IL1R1: variants seen among roughly 807,000 people sequenced by gnomAD.
IL1R1 encodes the protein interleukin 1 receptor type 1.
IL1R1 carries 22 observed loss-of-function variants against 50.2 expected under a neutral mutation model. The ratio of observed to expected loss-of-function variants is 0.44; its 90% CI spans 0.31 to 0.63. The LOEUF (loss-of-function observed/expected upper bound fraction) is 0.63. Ranked by LOEUF, IL1R1 falls within the 20% of genes least tolerant of loss-of-function variation. IL1R1 has a pLI of 0.07. For synonymous variants in IL1R1, 251 were observed against 236.7 expected, an observed-to-expected ratio of 1.06 and a Z score of -0.55; for missense variants, 509 against 676.2, an observed-to-expected ratio of 0.75 and a Z score of 2.74.
intron 1 of IL1R1, among the ~76,000 whole-genome samples, chr2:102,072,796 A>G (rs1230131979): frequency 1.3e-5 from 2 of 152,136 alleles, no homozygotes; most frequent in Non-Finnish European, 2.9e-5. Context: ...TTTCTATGCA[A>G]AAGTTTTCGC....
chr2:102,166,310 T>G, intron 6 of IL1R1, 29 bp downstream of exon 6: 1 of 1,567,780 alleles, frequency 6.4e-7, no homozygotes, highest in Non-Finnish European at 8.7e-7. Flanking sequence ...CCTAAAAGGT[T>G]TAGATCTGGG....
intron 1 of IL1R1, among the ~76,000 whole-genome samples, chr2:102,152,211 A>G (rs1273445986): frequency 1.3e-5 from 2 of 152,050 alleles, no homozygotes; most frequent in Non-Finnish European, 2.9e-5. Context: ...TGAGGCCATT[A>G]GAAGAGTGTG....
chr2:102,168,506 GA>G (rs1685392164), intron 6 of IL1R1, 91 bp from the exon 7 acceptor site: 2 of 980,078 alleles, frequency 2.0e-6, no homozygotes, highest in Admixed American at 3.5e-5. Context: ...TATCTGGCCA[GA>G]AGTCATTTAG....
intron 3 of IL1R1, among the ~76,000 whole-genome samples, chr2:102,159,646 G>A (rs1042218929): frequency 3.3e-5 from 5 of 152,178 alleles, no homozygotes; most frequent in Non-Finnish European, 7.3e-5. Context: ...CTTGGGGATA[G>A]TGCTTTTGCT....
chr2:102,120,254 G>A (rs1171406814), intron 1 of IL1R1, among the ~76,000 whole-genome samples: 1 of 152,076 alleles, frequency 6.6e-6, no homozygotes, highest in South Asian at 2.1e-4. Context: ...CGTGTGTGTG[G>A]GTTTTCATGT....
In IL1R1 at chr2:102,174,714, T is replaced by C. The variant is rs1685968575; in HGVS notation, c.1119T>C (p.Asp373=). ...IVLWYRDSCY[D]FLPIKASDGK... ...TTTGGTACAGGGATTCCTGCTATGA[T>C]TTTCTCCCAATAAAAGGTATAATTT... is the stretch of plus-strand genomic sequence containing the variant. Residue 373 remains aspartate (D), a synonymous_variant, in exon 10 of 12, where the codon GAT becomes GAC. Transcript: ENST00000410023. 3 of 1,607,852 alleles carry C rather than the reference T, an allele frequency of 1.9e-6. No homozygotes were observed. The South Asian group carries it at 3.4e-5, about 18-fold the overall frequency.
In IL1R1 at chr2:102,157,699, T is replaced by C; in HGVS notation, c.-6-20T>C. ...TAACATTTTTGCTTTTGTCTTTCTT[T>C]CGTTCCTCCATTTCTCCAGAAGAAT... On this transcript the variant is annotated intron_variant, in intron 2 of 11. Coordinates refer to ENST00000410023, the MANE Select transcript of IL1R1 (RefSeq NM_000877.4). 6.5e-7 allele frequency: 1 copy of C among 1,543,160 alleles called. No individual in the cohort carries two copies. The highest frequency in any genetic ancestry group is 1.4e-5 in the African/African-American group (1 of 73,686).
At chr2:102,134,867 T>C (rs1682254363) in intron 1 of IL1R1, among the ~76,000 whole-genome samples, 1 of 152,230 alleles carries the variant, frequency 6.6e-6, no homozygotes, top group Non-Finnish European at 1.5e-5. Flanking sequence ...CTTCGTGTTC[T>C]TAGGAAAACC....
At position 102,084,271 on chromosome 2, in the gene IL1R1, GA is replaced by G. The variant is rs1483969717; in HGVS notation, c.-84+13743del. ...TCCTCCTTGGTTCCCAGGAATGCTG[GA>G]AAAAGAGGCATTTGTTCTAAACATG... On this transcript the variant is annotated intron_variant, in intron 1 of 11. Coordinates refer to the IL1R1 transcript ENST00000409929. Among the ~76,000 whole-genome samples, 5 of 152,266 alleles carry G rather than the reference GA, an allele frequency of 3.3e-5. No homozygotes were observed. In the East Asian group the frequency reaches 9.6e-4, roughly 29 times the overall value.
chr2:102,163,206 A>G (rs1156910302), intron 3 of IL1R1, among the ~76,000 whole-genome samples: 2 of 152,090 alleles, frequency 1.3e-5, no homozygotes, highest in Non-Finnish European at 2.9e-5. Context: ...CAATTTTATT[A>G]TTATGTGTTT....
At chr2:102,081,171 C>T (rs547341016) in intron 1 of IL1R1, among the ~76,000 whole-genome samples, 1 of 151,978 alleles carries the variant, frequency 6.6e-6, no homozygotes, top group Non-Finnish European at 1.5e-5. Context: ...ATACTGAAAC[C>T]CTTTGAATTG....
chr2:102,078,562 T>TCACACACACACACA (rs35407722), intron 1 of IL1R1, among the ~76,000 whole-genome samples: 51 of 104,120 alleles, frequency 4.9e-4, no homozygotes, highest in African/African-American at 1.7e-3. Context: ...TCAAAAAACT[T>TCACACACACACACA]CACACACACA....
At chr2:102,103,797 C>T (rs1680258081), upstream of IL1R1, among the ~76,000 whole-genome samples, 1 of 151,838 alleles carries the variant, frequency 6.6e-6, no homozygotes, top group South Asian at 2.1e-4. Flanking sequence ...AGTTTGAGAC[C>T]AGCCTGACCA....
chr2:102,103,154 A>T (rs1043669507), upstream of IL1R1, among the ~76,000 whole-genome samples: 2 of 147,370 alleles, frequency 1.4e-5, no homozygotes, highest in African/African-American at 4.9e-5. Flanking sequence ...AAATAAAATT[A>T]AAAATAAATA....
intron 1 of IL1R1, among the ~76,000 whole-genome samples, chr2:102,087,970 A>G (rs1341392685): frequency 6.6e-6 from 1 of 152,206 alleles, no homozygotes; most frequent in Non-Finnish European, 1.5e-5. Flanking sequence ...ATGAGACTGC[A>G]GCAATTGATT....
chr2:102,079,853 G>A (rs1210183617), intron 1 of IL1R1, among the ~76,000 whole-genome samples: 1 of 152,004 alleles, frequency 6.6e-6, no homozygotes, highest in Admixed American at 6.6e-5. Context: ...CAAAGCAACG[G>A]TATCCAAGAC....
intron 1 of IL1R1, among the ~76,000 whole-genome samples, chr2:102,119,210 A>G (rs1328931538): frequency 6.6e-6 from 1 of 152,192 alleles, no homozygotes; most frequent in Non-Finnish European, 1.5e-5. Flanking sequence ...CTTCTCTTCG[A>G]TAATTCAAGC....
At chr2:102,134,411 C>T (rs995649961) in intron 1 of IL1R1, among the ~76,000 whole-genome samples, 2 of 150,942 alleles carry the variant, frequency 1.3e-5, no homozygotes, top group East Asian at 1.9e-4. Context: ...GAATTTCGCT[C>T]TTGTTGACCA....
intron 1 of IL1R1, among the ~76,000 whole-genome samples, chr2:102,148,238 G>A (rs1385538838): frequency 1.3e-5 from 2 of 152,148 alleles, no homozygotes; most frequent in South Asian, 2.1e-4. Context: ...CACGCTCTGT[G>A]GTTATTTCCA....
Sources: allele counts gnomAD v4.1 joint callset (sites outside exome capture counted in the v4.1 genomes callset), GRCh38; gene constraint gnomAD v4.1.1; transcripts MANE v1.5; gene names NCBI Gene and HGNC (gene_info 2026-07-23, HGNC 2026-07-21).